Variants in WDR82 observed in about 807,000 individuals in gnomAD.
The protein encoded by WDR82 is WD repeat domain 82, also known as WD repeat-containing protein 82.
WDR82 carries 8 observed loss-of-function variants against 36.1 expected under a neutral mutation model. The observed-to-expected ratio is 0.22, with a 90% CI of 0.13 to 0.40. The LOEUF (loss-of-function observed/expected upper bound fraction) is 0.40. WDR82 is among the 10% of genes least tolerant of loss of function. The pLI is 1.00. For synonymous variants in WDR82, 129 were observed against 137.8 expected, an observed-to-expected ratio of 0.94 and a Z score of 0.45; for missense variants, 185 against 400.5, an observed-to-expected ratio of 0.46 and a Z score of 4.59.
rs1700019314 is a variant in WDR82 at position 52,257,426 on chromosome 3, T to G, written c.*64A>C. The G allele has an allele frequency of 6.2e-7, 1 of 1,605,384 alleles. No homozygotes were observed. Among genetic ancestry groups the G allele is most frequent in the East Asian group, 2.2e-5 (1 of 44,846 alleles). On this transcript the variant is annotated 3_prime_UTR_variant, in exon 9 of 9. Transcript: ENST00000296490. ...TGATCCAATCCCACTATTATCTCAG[T>G]TCCCTCTGAGTTTCTTCCTGCTGGC...
rs538212712 is a variant in WDR82 at position 52,272,543 on chromosome 3, C to CAAA, written c.162-1737_162-1735dup. On this transcript the variant is annotated intron_variant, in intron 1 of 8. Coordinates refer to ENST00000296490, the MANE Select transcript of WDR82 (RefSeq NM_025222.4). ...TGGGCAACAGAGCAAGACTCCATCTCAAAAAAAAAAAAAAGAAAAATAAAA... is the reference window on the plus strand; with the variant it reads ...TGGGCAACAGAGCAAGACTCCATCTCAAAAAAAAAAAAAAAAAGAAAAATAAAA... Among the ~76,000 whole-genome samples the CAAA allele has an allele frequency of 2.4e-3, 245 of 100,278 alleles. 5 individuals carry two copies. Among genetic ancestry groups the CAAA allele is most frequent in the African/African-American group, 8.8e-3 (219 of 24,978 alleles). The allele number at this position is 100,278 out of a possible 152,430, so 65.8% of individuals were successfully genotyped here. A position where few individuals can be genotyped will look rare whatever the true frequency, so the allele number is the denominator to read the frequency against.
At chr3:52,257,656 C>T (rs1008156933) in intron 8 of WDR82, 137 bp from the exon 9 acceptor site, 7 of 880,124 alleles carry the variant, frequency 8.0e-6, no homozygotes, top group African/African-American at 3.3e-5. Context: ...CAACCAACCC[C>T]GATGCTCTAA....
In WDR82 at chr3:52,257,511, C is replaced by T. The variant is rs1700019932; in HGVS notation, c.921G>A (p.Trp307Ter). Reference protein sequence around the residue: ...FASACSNMAFWLPTIDD With the variant: ...FASACSNMAF ...AGGGTCAGTCATCAATGGTGGGCAA[C>T]CAAAAGGCCTAGAAGGAGAACATAA... Residue 307 changes from tryptophan to a stop codon, truncating the protein, a stop_gained, in exon 9 of 9, where the codon TGG becomes TGA. Transcript: ENST00000296490. LOFTEE classifies it high-confidence loss of function. 6.2e-7 allele frequency: 1 copy of T among 1,614,044 alleles called. No homozygotes were observed. The highest frequency in any genetic ancestry group is 8.5e-7 in the Non-Finnish European group (1 of 1,180,014).
intron 1 of WDR82, among the ~76,000 whole-genome samples, chr3:52,276,434 C>T (rs1173624849): frequency 6.6e-6 from 1 of 151,020 alleles, no homozygotes; most frequent in Non-Finnish European, 1.5e-5. Context: ...CCGTCCCCCA[C>T]CCGAAAAAAA....
chr3:52,262,351 A>C (rs962740932), intron 3 of WDR82, among the ~76,000 whole-genome samples: 5 of 152,188 alleles, frequency 3.3e-5, no homozygotes, highest in Non-Finnish European at 5.9e-5. Flanking sequence ...TATAGTAAAA[A>C]CCACTGAACT....
Position 52,257,335 on chromosome 3 carries a change from T to C in WDR82, c.*155A>G. The C allele has an allele frequency of 1.0e-6, 1 of 986,818 alleles. No homozygotes were observed. The highest frequency in any genetic ancestry group is 1.5e-5 in the South Asian group (1 of 65,588). The allele number at this position is 986,818 out of a possible 1,614,324, so 61.1% of individuals were successfully genotyped here. On this transcript the variant is annotated 3_prime_UTR_variant, in exon 9 of 9. Coordinates refer to ENST00000296490, the MANE Select transcript of WDR82 (RefSeq NM_025222.4). ...ACGCTCATCAAAGTAATTATTTTCT[T>C]TTGAGCAGATGTACAGCACATCCAT...
At chr3:52,267,283 A>C (rs1700114184) in intron 2 of WDR82, 1 of 314,030 alleles carries the variant, frequency 3.2e-6, no homozygotes, top group African/African-American at 2.3e-5. Flanking sequence ...GTTTCTTCAT[A>C]ATTACAATGC....
At chr3:52,278,051 G>A in intron 1 of WDR82, 150 bp downstream of exon 1, 3 of 634,100 alleles carry the variant, frequency 4.7e-6, no homozygotes, top group Non-Finnish European at 7.2e-6. Context: ...AAGGTCTCCT[G>A]GACGGCTGCG....
chr3:52,260,273 G>A (rs1467016516), intron 5 of WDR82, 112 bp downstream of exon 5: 2 of 702,818 alleles, frequency 2.8e-6, no homozygotes, highest in African/African-American at 3.8e-5. Flanking sequence ...AGGTTGCAGT[G>A]AGCTGAGATT....
At chr3:52,266,276 T>C (rs994040417) in intron 3 of WDR82, among the ~76,000 whole-genome samples, 4 of 152,136 alleles carry the variant, frequency 2.6e-5, no homozygotes, top group African/African-American at 9.7e-5. Context: ...TATTAAGGGA[T>C]ATGTGAGATT....
At chr3:52,275,091 C>T (rs1230446350) in intron 1 of WDR82, among the ~76,000 whole-genome samples, 1 of 150,672 alleles carries the variant, frequency 6.6e-6, no homozygotes, top group African/African-American at 2.4e-5. Flanking sequence ...TGTGGTGGCG[C>T]ATGCCTGTAA....
chr3:52,259,411 G>T, intron 6 of WDR82, 145 bp from the exon 7 acceptor site: 1 of 873,730 alleles, frequency 1.1e-6, no homozygotes, highest in Non-Finnish European at 1.8e-6. Flanking sequence ...GCTTCCAAAT[G>T]TGGTTGCCAT....
intron 8 of WDR82, 144 bp downstream of exon 8, chr3:52,258,392 T>G (rs912297690): frequency 1.0e-6 from 1 of 957,350 alleles, no homozygotes; most frequent in Non-Finnish European, 1.6e-6. Flanking sequence ...GGAGATGAAA[T>G]AGGGAAACCA....
intron 3 of WDR82, among the ~76,000 whole-genome samples, chr3:52,265,778 G>A (rs1700101400): frequency 6.6e-6 from 1 of 151,954 alleles, no homozygotes; most frequent in Admixed American, 6.6e-5. Context: ...GTTTCACCAT[G>A]TTGCCTAGCC....
At chr3:52,270,900 G>A in intron 1 of WDR82, 91 bp from the exon 2 acceptor site, 3 of 933,500 alleles carry the variant, frequency 3.2e-6, no homozygotes, top group Non-Finnish European at 4.8e-6. Flanking sequence ...GAATGATGTG[G>A]CAAAGGTGAG....
chr3:52,267,022 TA>T lies in WDR82; in HGVS notation c.260-5del. ...AAGGACAAGTAACGAATAGTATCTG[TA>T]AAAAGACAAACAAGGTATGATGATA... On this transcript the variant is annotated splice_region_variant and splice_polypyrimidine_tract_variant and intron_variant, in intron 2 of 8. Transcript: ENST00000296490. 6.2e-7 allele frequency: 1 copy of T among 1,606,454 alleles called. No homozygotes were observed. The highest frequency in any genetic ancestry group is 1.1e-5 in the South Asian group (1 of 90,682).
intron 1 of WDR82, among the ~76,000 whole-genome samples, chr3:52,272,910 A>G (rs183544958): frequency 2.0e-5 from 3 of 152,322 alleles, no homozygotes; most frequent in African/African-American, 7.2e-5. Flanking sequence ...CTACAAATAC[A>G]CTGGATTTTC....
At position 52,259,211 on chromosome 3, in the gene WDR82, TGA is replaced by T; in HGVS notation, c.753_754del (p.Gln252ValfsTer28). 6.2e-7 allele frequency: 1 copy of T among 1,614,178 alleles called. No homozygotes were observed. On this transcript the variant is annotated frameshift_variant, in exon 7 of 9. Transcript: ENST00000296490. LOFTEE classifies it high-confidence loss of function. Reference sequence around the variant, plus strand: ...AGGAAACTCACCAATCATAATAAACTGAGAGTCTGGAGTAAATGAAGCCTCCA... The same window carrying T: ...AGGAAACTCACCAATCATAATAAACTGAGTCTGGAGTAAATGAAGCCTCCA...
Position 52,266,469 on chromosome 3 carries a change from AC to A in WDR82, c.326+482del, listed in dbSNP as rs1471126746. 1.1e-4 allele frequency among the ~76,000 whole-genome samples: 17 copies of A among 152,166 alleles called. No individual in the cohort carries two copies. The South Asian group carries it at 2.3e-3, about 20-fold the overall frequency. On this transcript the variant is annotated intron_variant, in intron 3 of 8. Coordinates refer to ENST00000296490, the MANE Select transcript of WDR82 (RefSeq NM_025222.4). The stretch of plus-strand genomic sequence containing the variant: ...ATATATATCTTTGAGACGGAGTCTC[AC>A]TCTGTCGCCCAAGCTGGAGTGCAGT...
Sources: gnomAD v4.1 joint callset for allele counts (sites outside exome capture counted in the v4.1 genomes callset) on GRCh38, gnomAD v4.1.1 for gene constraint, MANE v1.5 for transcripts, NCBI Gene and HGNC (gene_info 2026-07-23, HGNC 2026-07-21) for gene names.